Variants in TBC1D5 observed in about 807,000 individuals in gnomAD.
TBC1D5 encodes the protein TBC1 domain family, member 5.
In TBC1D5, 75 loss-of-function variants were observed where a neutral mutation model predicts 100.3. The ratio of observed to expected loss-of-function variants is 0.75; its 90% CI spans 0.62 to 0.91. The LOEUF is 0.91. Among genes scored for constraint, TBC1D5 ranks in the 40% least tolerant of loss-of-function variants. TBC1D5 has a pLI of 0.00. For missense variants in TBC1D5, 910 were observed against 942.4 expected (o/e 0.97, Z 0.45); for synonymous variants, 323 against 325.6 (o/e 0.99, Z 0.09).
intron 18 of TBC1D5, among the ~76,000 whole-genome samples, chr3:17,198,281 A>C (rs996109928): frequency 9.9e-5 from 15 of 152,144 alleles, no homozygotes; most frequent in Non-Finnish European, 2.1e-4. Context: ...CCTCCAACCC[A>C]ATCTACAGTT....
intron 13 of TBC1D5, among the ~76,000 whole-genome samples, chr3:17,337,821 A>AT (rs1357977104): frequency 6.6e-6 from 1 of 152,142 alleles, no homozygotes; most frequent in Non-Finnish European, 1.5e-5. Flanking sequence ...GGATAGTTTG[A>AT]TTTTTTCCCA....
At chr3:17,544,336 A>T (rs1198995226) in intron 2 of TBC1D5, among the ~76,000 whole-genome samples, 1 of 152,210 alleles carries the variant, frequency 6.6e-6, no homozygotes, top group Non-Finnish European at 1.5e-5. Context: ...TAATATTTAG[A>T]TAAGAATGCA....
At chr3:17,335,968 A>T (rs1165489518) in intron 13 of TBC1D5, among the ~76,000 whole-genome samples, 1 of 152,056 alleles carries the variant, frequency 6.6e-6, no homozygotes, top group Non-Finnish European at 1.5e-5. Context: ...GCTGCTGACC[A>T]CTATTAGATC....
intron 2 of TBC1D5, among the ~76,000 whole-genome samples, chr3:17,530,921 C>A (rs1416940573): frequency 1.3e-5 from 2 of 152,172 alleles, no homozygotes; most frequent in African/African-American, 2.4e-5. Flanking sequence ...TGAAAACTGG[C>A]TCAAGACAGG....
chr3:17,221,646 A>G (rs2074302713), intron 17 of TBC1D5, among the ~76,000 whole-genome samples: 1 of 152,176 alleles, frequency 6.6e-6, no homozygotes, highest in Non-Finnish European at 1.5e-5. Context: ...ATCTTCCAGA[A>G]GCTGGGAATG....
intron 2 of TBC1D5, among the ~76,000 whole-genome samples, chr3:17,565,900 T>C (rs1447254895): frequency 6.6e-6 from 1 of 152,056 alleles, no homozygotes; most frequent in Non-Finnish European, 1.5e-5. Context: ...ACTAGTCTCT[T>C]TAATTACTAT....
intron 16 of TBC1D5, among the ~76,000 whole-genome samples, chr3:17,256,895 T>C (rs1358358614): frequency 6.6e-6 from 1 of 151,994 alleles, no homozygotes; most frequent in African/African-American, 2.4e-5. Context: ...TGAAGAGGCA[T>C]GGGAAGATGG....
chr3:17,281,496 C>T (rs1020185385), intron 15 of TBC1D5, among the ~76,000 whole-genome samples: 3 of 152,166 alleles, frequency 2.0e-5, no homozygotes, highest in African/African-American at 7.2e-5. Flanking sequence ...CTCACCCACG[C>T]GTACGAAGTG....
At chr3:17,682,579 T>C (rs2069643704) in intron 1 of TBC1D5, among the ~76,000 whole-genome samples, 1 of 151,408 alleles carries the variant, frequency 6.6e-6, no homozygotes, top group Non-Finnish European at 1.5e-5. Context: ...ACATACACTT[T>C]ACAAGACTAT....
At chr3:17,673,090 T>C (rs1033574848) in intron 1 of TBC1D5, among the ~76,000 whole-genome samples, 3 of 152,030 alleles carry the variant, frequency 2.0e-5, no homozygotes, top group Non-Finnish European at 2.9e-5. Flanking sequence ...TAACAACAAA[T>C]AATGGAATAT....
chr3:17,619,681 C>A (rs527965706), intron 2 of TBC1D5, among the ~76,000 whole-genome samples: 102 of 152,256 alleles, frequency 6.7e-4, no homozygotes, highest in Non-Finnish European at 1.2e-3. Flanking sequence ...TTCCTATAAA[C>A]TAAGAATTCA....
intron 1 of TBC1D5, among the ~76,000 whole-genome samples, chr3:17,677,844 T>C (rs558855983): frequency 5.2e-4 from 79 of 152,288 alleles, no homozygotes; most frequent in Non-Finnish European, 4.3e-4. Context: ...ATGTCCTTTG[T>C]AGGGACATGG....
At chr3:17,263,688 G>A (rs906769600) in intron 15 of TBC1D5, among the ~76,000 whole-genome samples, 3 of 152,190 alleles carry the variant, frequency 2.0e-5, no homozygotes, top group Non-Finnish European at 4.4e-5. Context: ...GTATCTTAAA[G>A]TCTTGTGGAC....
chr3:17,718,422 C>T (rs1474379248), intron 1 of TBC1D5, among the ~76,000 whole-genome samples: 1 of 151,946 alleles, frequency 6.6e-6, no homozygotes, highest in African/African-American at 2.4e-5. Context: ...ATGGTGAAAC[C>T]CCGTCTCTAC....
intron 15 of TBC1D5, among the ~76,000 whole-genome samples, chr3:17,268,563 T>C (rs1248733468): frequency 6.6e-6 from 1 of 152,168 alleles, no homozygotes; most frequent in African/African-American, 2.4e-5. Context: ...ATCATTAGTA[T>C]AATTTTAAAG....
At chr3:17,695,168 C>T (rs879791513) in intron 1 of TBC1D5, among the ~76,000 whole-genome samples, 1 of 152,142 alleles carries the variant, frequency 6.6e-6, no homozygotes, top group Non-Finnish European at 1.5e-5. Flanking sequence ...ACCATCAATG[C>T]TATGAAGAAA....
At chr3:17,249,708 G>C (rs575623552) in intron 16 of TBC1D5, among the ~76,000 whole-genome samples, 1 of 152,214 alleles carries the variant, frequency 6.6e-6, no homozygotes, top group African/African-American at 2.4e-5. Flanking sequence ...TTTCTTTATA[G>C]CAACACAAAA....
intron 15 of TBC1D5, among the ~76,000 whole-genome samples, chr3:17,266,819 C>T (rs1451752385): frequency 6.6e-6 from 1 of 151,720 alleles, no homozygotes; most frequent in Non-Finnish European, 1.5e-5. Flanking sequence ...ATTGTGAAAA[C>T]TAGGTATTAA....
chr3:17,281,757 T>C (rs1208546599), intron 15 of TBC1D5, among the ~76,000 whole-genome samples: 1 of 152,230 alleles, frequency 6.6e-6, no homozygotes, highest in Non-Finnish European at 1.5e-5. Context: ...CTTGAATATA[T>C]TGGCATTTCT....
Sources: gnomAD v4.1 joint callset for allele counts (sites outside exome capture counted in the v4.1 genomes callset) on GRCh38, gnomAD v4.1.1 for gene constraint, MANE v1.5 for transcripts, NCBI Gene and HGNC (gene_info 2026-07-23, HGNC 2026-07-21) for gene names.